DDX42: variants seen among roughly 807,000 people sequenced by gnomAD.
DDX42 encodes ATP-dependent RNA helicase DDX42.
In DDX42, 22 loss-of-function variants were observed where a neutral mutation model predicts 101.5. That is an observed-to-expected ratio of 0.22 (90% confidence interval 0.15 to 0.31). The LOEUF (loss-of-function observed/expected upper bound fraction) is 0.31. Ranked by LOEUF, DDX42 falls within the 10% of genes least tolerant of loss-of-function variation. DDX42 has a pLI of 1.00. For missense variants in DDX42, 849 were observed against 1,199.9 expected (o/e 0.71, Z 4.32); for synonymous variants, 402 against 401.2 (o/e 1.00, Z -0.02).
At position 63,810,517 on chromosome 17, in the gene DDX42, C is replaced by T; in HGVS notation, c.1257C>T (p.Tyr419=). Residue 419 remains tyrosine (Y), a synonymous_variant, in exon 12 of 18, where the codon TAC becomes TAT. Transcript: ENST00000389924. The part of the protein sequence containing the change: ...ADRMFDMGFE[Y]QVRSIASHVR... Reference sequence around the variant, plus strand: ...TTATTGTTCTGTTTCTTGCAGAGTACCAAGTTCGATCCATAGCAAGTCATG... The same window carrying T: ...TTATTGTTCTGTTTCTTGCAGAGTATCAAGTTCGATCCATAGCAAGTCATG... The T allele has an allele frequency of 2.5e-6, 4 of 1,613,978 alleles. No individual in the cohort carries two copies. The highest frequency in any genetic ancestry group is 3.4e-6 in the Non-Finnish European group (4 of 1,179,988).
At chr17:63,805,454 C>A in intron 7 of DDX42, 1 of 268,064 alleles carries the variant, frequency 3.7e-6, no homozygotes, top group Non-Finnish European at 7.0e-6. Context: ...TGGGAGTCCC[C>A]ATCTAAAGGA....
At chr17:63,813,646 G>GC (rs1291461556) in intron 15 of DDX42, among the ~76,000 whole-genome samples, 192 bp downstream of exon 15, 2 of 152,142 alleles carry the variant, frequency 1.3e-5, no homozygotes, top group African/African-American at 4.8e-5. Flanking sequence ...TCTTTCAACA[G>GC]CATCTGTTTT....
chr17:63,780,156 C>T (rs958158938), intron 1 of DDX42, among the ~76,000 whole-genome samples: 1 of 152,062 alleles, frequency 6.6e-6, no homozygotes, highest in Non-Finnish European at 1.5e-5. Context: ...ATTAGCCAGG[C>T]GTGGTGGCAC....
At chr17:63,794,084 G>T (rs1313992845) in intron 3 of DDX42, among the ~76,000 whole-genome samples, 1 of 151,882 alleles carries the variant, frequency 6.6e-6, no homozygotes, top group Non-Finnish European at 1.5e-5. Context: ...AATAGCCCTT[G>T]CATTTGTTCT....
At chr17:63,788,857 A>ACACTGCTT (rs1296322297) in intron 2 of DDX42, among the ~76,000 whole-genome samples, 1 of 152,038 alleles carries the variant, frequency 6.6e-6, no homozygotes, top group East Asian at 1.9e-4. Context: ...GCTGATTGTG[A>ACACTGCTT]CACTGCTTCA....
At chr17:63,802,779 G>T (rs1044939178) in intron 6 of DDX42, among the ~76,000 whole-genome samples, 1 of 151,834 alleles carries the variant, frequency 6.6e-6, no homozygotes, top group Middle Eastern at 3.2e-3. Flanking sequence ...GCATGGTGGT[G>T]CATGCCTGTA....
intron 15 of DDX42, among the ~76,000 whole-genome samples, chr17:63,815,279 G>T (rs1181997382): frequency 6.6e-6 from 1 of 152,168 alleles, no homozygotes; most frequent in Non-Finnish European, 1.5e-5. Flanking sequence ...TACTCCTCTG[G>T]GTTTGAAGCT....
chr17:63,785,182 TGG>T (rs1285587154), intron 1 of DDX42, among the ~76,000 whole-genome samples: 1 of 152,062 alleles, frequency 6.6e-6, no homozygotes, highest in African/African-American at 2.4e-5. Flanking sequence ...AAAAGGGTTT[TGG>T]GGGGCCAGGT....
chr17:63,807,706 A>G lies in DDX42; in HGVS notation c.847-18A>G, dbSNP rs188133606. On this transcript the variant is annotated intron_variant, in intron 8 of 17. Transcript: ENST00000389924. The stretch of plus-strand genomic sequence containing the variant: ...AGAATTGAAATTTTAGAGTGGTTAT[A>G]TTTTACTTTTTCTCCAGGGTGTGCC... The G allele has an allele frequency of 1.2e-6, 2 of 1,603,128 alleles. No homozygotes were observed. Among genetic ancestry groups the G allele is most frequent in the Admixed American group, 1.7e-5 (1 of 57,910 alleles).
chr17:63,777,325 A>G (rs1443297438), intron 1 of DDX42, among the ~76,000 whole-genome samples: 1 of 152,196 alleles, frequency 6.6e-6, no homozygotes, highest in African/African-American at 2.4e-5. Context: ...ATAAATGAGT[A>G]TCTAATATTG....
rs1172984474 is a variant in DDX42 at position 63,803,586 on chromosome 17, AG to A, written c.622-1483del. On this transcript the variant is annotated intron_variant, in intron 6 of 17. Coordinates refer to ENST00000389924, the MANE Select transcript of DDX42 (RefSeq NM_203499.3). ...CCATCTCAAAAAAAAAAAAAAAAAA[AG>A]GTATCTGAAAAGGCTACTAAAATAC... 4.0e-3 allele frequency among the ~76,000 whole-genome samples: 595 copies of A among 149,718 alleles called. 4 individuals carry two copies. Among genetic ancestry groups the A allele is most frequent in the African/African-American group, 0.013 (546 of 40,590 alleles).
At chr17:63,800,957 TTCTTTTTCTTTTC>T (rs2039759145) in intron 6 of DDX42, among the ~76,000 whole-genome samples, 1 of 96,130 alleles carries the variant, frequency 1.0e-5, no homozygotes, top group Admixed American at 1.1e-4. Context: ...CTTCCTTTCT[TTCTTTTTCTTTTC>T]TTCTTTCTTT....
intron 1 of DDX42, among the ~76,000 whole-genome samples, chr17:63,775,862 C>T (rs1027304917): frequency 2.0e-5 from 3 of 152,086 alleles, no homozygotes; most frequent in African/African-American, 4.8e-5. Flanking sequence ...GAGAGGAGTG[C>T]AGTTATTTAA....
At chr17:63,806,895 G>T (rs746268778) in intron 8 of DDX42, among the ~76,000 whole-genome samples, 15 of 152,060 alleles carry the variant, frequency 9.9e-5, no homozygotes, top group Non-Finnish European at 2.2e-4. Flanking sequence ...AACCAAAAAG[G>T]TTCGTATATA....
chr17:63,811,965 C>A lies in DDX42; in HGVS notation c.1432C>A (p.Leu478Ile). ...AGATGTGACACAGATTGTGGAGATT[C>A]TCCATTCTGGACCTAGTAAATGGAA... ...NEDVTQIVEI[L>I]HSGPSKWNWL... is the part of the protein sequence containing the mutation. Residue 478 changes from leucine (L) to isoleucine (I), a missense_variant, in exon 14 of 18, where the codon CTC becomes ATC. By Grantham distance (5) the Leu-to-Ile change is conservative. This residue lies in a region of DDX42 where 370 missense variants were observed against 608.8 expected (regional missense o/e 0.61). Transcript: ENST00000389924. The A allele has an allele frequency of 6.2e-7, 1 of 1,614,236 alleles. No individual in the cohort carries two copies. The highest frequency in any genetic ancestry group is 8.5e-7 in the Non-Finnish European group (1 of 1,180,048).
At position 63,812,017 on chromosome 17, in the gene DDX42, T is replaced by C; in HGVS notation, c.1484T>C (p.Phe495Ser). The change falls in exon 14 of 18, where the codon TTT becomes TCT. Residue 495 changes from phenylalanine to serine, a missense_variant. By Grantham distance (155) the Phe-to-Ser change is radical (BLOSUM62 -2). Around this residue, in one of 5 missense-constraint regions of DDX42, gnomAD observed 370 missense variants for 608.8 expected, o/e 0.61. Coordinates refer to ENST00000389924, the MANE Select transcript of DDX42 (RefSeq NM_203499.3). ...WNWLTRRLVE[F>S]TSSGSVLLFV... The stretch of plus-strand genomic sequence containing the variant: ...TGGCTTACCCGGCGTCTGGTAGAAT[T>C]TACCTCTTCAGGGAGTGTCCTCCTC... The C allele has an allele frequency of 1.2e-6, 2 of 1,614,210 alleles. No individual in the cohort carries two copies. The highest frequency in any genetic ancestry group is 1.7e-6 in the Non-Finnish European group (2 of 1,180,034).
chr17:63,794,403 G>C (rs1322327114), intron 3 of DDX42, among the ~76,000 whole-genome samples: 1 of 151,862 alleles, frequency 6.6e-6, no homozygotes, highest in Non-Finnish European at 1.5e-5. Context: ...TTAGCCAGGC[G>C]TGGTGGCATG....
intron 13 of DDX42, 36 bp downstream of exon 13, chr17:63,811,209 GTTTA>G: frequency 6.9e-7 from 1 of 1,443,660 alleles, no homozygotes; most frequent in Non-Finnish European, 9.6e-7. Flanking sequence ...ACCTTAATGG[GTTTA>G]TTTCTCATAT....
chr17:63,787,792 G>T (rs113879120), intron 2 of DDX42, among the ~76,000 whole-genome samples: 2,556 of 152,086 alleles, frequency 0.017, 70 homozygotes, highest in African/African-American at 0.058. Flanking sequence ...AGTGAGCCAA[G>T]ATGGTGCCAT....
Sources: gnomAD v4.1 joint callset for allele counts (sites outside exome capture counted in the v4.1 genomes callset) on GRCh38, gnomAD v4.1.1 for gene constraint, gnomAD v4.1.1 regional missense constraint, MANE v1.5 for transcripts, NCBI Gene and HGNC (gene_info 2026-07-23, HGNC 2026-07-21) for gene names.